PRKG1: variants seen among roughly 807,000 people sequenced by gnomAD.
PRKG1 encodes cGMP-dependent protein kinase 1.
In PRKG1, 35 loss-of-function variants were observed where a neutral mutation model predicts 88.1. The observed-to-expected ratio is 0.40, with a 90% confidence interval of 0.30 to 0.53. The LOEUF is 0.53. PRKG1 is among the 20% of genes least tolerant of loss of function. The pLI, the probability that PRKG1 is intolerant of heterozygous loss-of-function variation, is 0.59. For synonymous variants in PRKG1, 303 were observed against 292.5 expected (o/e 1.04, Z -0.37); for missense variants, 540 against 839.8 (o/e 0.64, Z 4.41).
At chr10:51,249,467 A>T (rs1219574921) in intron 2 of PRKG1, among the ~76,000 whole-genome samples, 2 of 151,834 alleles carry the variant, frequency 1.3e-5, no homozygotes, top group Non-Finnish European at 2.9e-5. Flanking sequence ...AAATGGCTGT[A>T]TATGTTGTTC....
intron 7 of PRKG1, among the ~76,000 whole-genome samples, chr10:52,078,304 T>A (rs1846683231): frequency 6.6e-6 from 1 of 152,210 alleles, no homozygotes; most frequent in African/African-American, 2.4e-5. Context: ...GATAAAATTT[T>A]AAAATAACCA....
At chr10:52,023,656 C>T (rs986479691) in intron 5 of PRKG1, among the ~76,000 whole-genome samples, 1 of 152,220 alleles carries the variant, frequency 6.6e-6, no homozygotes, top group African/African-American at 2.4e-5. Context: ...TTGCATTTCT[C>T]TGATGGCCAG....
At chr10:51,367,129 CT>C (rs938011962) in intron 2 of PRKG1, among the ~76,000 whole-genome samples, 4 of 151,822 alleles carry the variant, frequency 2.6e-5, no homozygotes, top group South Asian at 4.2e-4. Context: ...AACTAAGACT[CT>C]TTTTTTTCCA....
intron 9 of PRKG1, 125 bp from the exon 10 acceptor site, chr10:52,251,444 TA>T: frequency 2.8e-6 from 2 of 726,480 alleles, no homozygotes; most frequent in Non-Finnish European, 4.6e-6. Context: ...ACACAAACTC[TA>T]AAAGCAAGAT....
chr10:51,139,604 C>A (rs558994495), intron 1 of PRKG1, among the ~76,000 whole-genome samples: 2 of 152,324 alleles, frequency 1.3e-5, no homozygotes, highest in East Asian at 1.9e-4. Context: ...AAGCTGGAAA[C>A]CTGGGGTTGT....
intron 7 of PRKG1, among the ~76,000 whole-genome samples, chr10:52,072,591 C>T (rs1846530043): frequency 6.6e-6 from 1 of 152,154 alleles, no homozygotes; most frequent in Admixed American, 6.5e-5. Flanking sequence ...TTCTTTCCAA[C>T]TCCAATCAAG....
At chr10:51,533,240 A>G (rs979688062) in intron 3 of PRKG1, among the ~76,000 whole-genome samples, 20 of 152,206 alleles carry the variant, frequency 1.3e-4, no homozygotes, top group African/African-American at 4.1e-4. Flanking sequence ...TTTTCCTTTC[A>G]ATAAAAGTAA....
intron 8 of PRKG1, among the ~76,000 whole-genome samples, chr10:52,156,100 T>C (rs1340133210): frequency 4.6e-5 from 7 of 151,922 alleles, no homozygotes. Context: ...ATCCCCATGA[T>C]AGACAGGGGG....
At chr10:51,353,382 A>G (rs1842294864) in intron 2 of PRKG1, among the ~76,000 whole-genome samples, 2 of 152,100 alleles carry the variant, frequency 1.3e-5, no homozygotes. Flanking sequence ...GGGAGAAAAT[A>G]TTTTCAAACT....
chr10:51,622,479 G>A (rs76403323), intron 3 of PRKG1, among the ~76,000 whole-genome samples: 1 of 152,140 alleles, frequency 6.6e-6, no homozygotes, highest in Non-Finnish European at 1.5e-5. Flanking sequence ...AGCTATTTGC[G>A]CATGACCAGT....
At chr10:51,782,579 A>C (rs1294572762) in intron 3 of PRKG1, among the ~76,000 whole-genome samples, 1 of 152,112 alleles carries the variant, frequency 6.6e-6, no homozygotes, top group Non-Finnish European at 1.5e-5. Flanking sequence ...TCCCAACTCA[A>C]ATCTCATCTT....
chr10:52,260,796 GTTTA>G (rs1841416109), intron 10 of PRKG1, among the ~76,000 whole-genome samples: 1 of 151,932 alleles, frequency 6.6e-6, no homozygotes, highest in African/African-American at 2.4e-5. Flanking sequence ...ATGAAGTAAA[GTTTA>G]TTTAGCATAA....
At chr10:51,011,967 G>C (rs1179162333) in intron 1 of PRKG1, among the ~76,000 whole-genome samples, 2 of 152,214 alleles carry the variant, frequency 1.3e-5, no homozygotes, top group Non-Finnish European at 2.9e-5. Context: ...CAGGCAAGAA[G>C]AGAACTTGTG....
intron 3 of PRKG1, among the ~76,000 whole-genome samples, chr10:51,704,436 G>A (rs1456156775): frequency 2.0e-5 from 3 of 152,116 alleles, no homozygotes; most frequent in Admixed American, 1.3e-4. Flanking sequence ...ATTGAATAAC[G>A]TGCCTCAAAT....
chr10:51,140,546 G>A (rs544088232), intron 1 of PRKG1, among the ~76,000 whole-genome samples: 1 of 152,298 alleles, frequency 6.6e-6, no homozygotes, highest in East Asian at 1.9e-4. Flanking sequence ...TAACATGACT[G>A]ATTTGTTTCT....
intron 1 of PRKG1, among the ~76,000 whole-genome samples, chr10:51,011,779 T>C (rs1288856362): frequency 6.6e-6 from 1 of 152,242 alleles, no homozygotes; most frequent in Non-Finnish European, 1.5e-5. Context: ...GGGACAGTTA[T>C]TTGTATATTT....
intron 4 of PRKG1, among the ~76,000 whole-genome samples, chr10:51,848,106 A>G (rs1296094202): frequency 6.6e-6 from 1 of 152,158 alleles, no homozygotes; most frequent in Non-Finnish European, 1.5e-5. Flanking sequence ...AATAGGAAGC[A>G]TTCCAAAATA....
chr10:51,279,791 G>C (rs1840240522), intron 2 of PRKG1, among the ~76,000 whole-genome samples: 2 of 152,156 alleles, frequency 1.3e-5, no homozygotes, highest in African/African-American at 2.4e-5. Flanking sequence ...TGCGTCTCCT[G>C]AATACAGCAC....
intron 1 of PRKG1, among the ~76,000 whole-genome samples, chr10:51,111,276 A>G (rs1240366430): frequency 1.3e-5 from 2 of 152,204 alleles, no homozygotes; most frequent in South Asian, 4.1e-4. Flanking sequence ...TTATATTTTT[A>G]AATTTTTTGT....
Sources: allele counts gnomAD v4.1 joint callset (sites outside exome capture counted in the v4.1 genomes callset), GRCh38; gene constraint gnomAD v4.1.1; transcripts MANE v1.5; gene names NCBI Gene and HGNC (gene_info 2026-07-23, HGNC 2026-07-21).